The following GNE variants were observed in gnomAD, a reference collection of about 807,000 sequenced individuals.
GNE encodes the protein glucosamine (UDP-N-acetyl)-2-epimerase/N-acetylmannosamine kinase.
GNE carries 41 observed loss-of-function variants against 61.8 expected under a neutral mutation model. That is an observed-to-expected ratio of 0.66 (90% CI 0.52 to 0.86). The LOEUF (loss-of-function observed/expected upper bound fraction) is 0.86, where lower values mean the gene tolerates loss of function less well. GNE is among the 40% of genes least tolerant of loss of function. GNE has a pLI of 0.00. For synonymous variants in GNE, 264 were observed against 326.4 expected, an observed-to-expected ratio of 0.81 and a Z score of 2.06; for missense variants, 608 against 909.1, an observed-to-expected ratio of 0.67 and a Z score of 4.26.
chr9:36,232,036 C>G (rs1050535454), intron 5 of GNE, among the ~76,000 whole-genome samples: 2 of 152,146 alleles, frequency 1.3e-5, no homozygotes, highest in Admixed American at 6.5e-5. Flanking sequence ...AAGAACTGGA[C>G]TAGAACCAAG....
Position 36,218,112 on chromosome 9 carries a change from G to T in GNE, c.1933+71C>A. The T allele has an allele frequency of 9.9e-7, 1 of 1,006,958 alleles. No individual in the cohort carries two copies. The highest frequency in any genetic ancestry group is 1.3e-5 in the South Asian group (1 of 78,686). The allele number at this position is 1,006,958 out of a possible 1,614,324, so 62.4% of individuals were successfully genotyped here. ...TCCCTAGGGAAGCAGGGTCTCTTCTGGGGCCGGGCTGGGCCATATGATATC... is the reference window on the plus strand; with the variant it reads ...TCCCTAGGGAAGCAGGGTCTCTTCTTGGGCCGGGCTGGGCCATATGATATC... On this transcript the variant is annotated intron_variant, in intron 11 of 11. Transcript: ENST00000642385. This position sits in a 1 kb window ranked among gnomAD's most constrained non-coding sequence, Gnocchi z 4.1.
At chr9:36,240,024 A>C (rs1829569590) in intron 3 of GNE, among the ~76,000 whole-genome samples, 1 of 152,114 alleles carries the variant, frequency 6.6e-6, no homozygotes, top group South Asian at 2.1e-4. Flanking sequence ...TGTATCCAGA[A>C]ACTTTGCTGA....
rs1269845468 is a variant in GNE at position 36,246,040 on chromosome 9, T to C, written c.607A>G (p.Met203Val). ...KNKDYMSIIR[M>V]WLGDDVKSKD... ...AGTCTGAGATACGTACCTAGCCACATGCGAATGATGCTCATGTAGTCTTTG... is the reference window on the plus strand; with the variant it reads ...AGTCTGAGATACGTACCTAGCCACACGCGAATGATGCTCATGTAGTCTTTG... The change falls in exon 3 of 12, where the codon ATG (methionine) becomes GTG (valine). Residue 203 changes from methionine to valine, a missense_variant. By Grantham distance (21) the Met-to-Val change is conservative. Coordinates refer to ENST00000642385, the MANE Select transcript of GNE (RefSeq NM_005476.7). 1 of 1,613,676 alleles carries C rather than the reference T, an allele frequency of 6.2e-7. No homozygotes were observed. Among genetic ancestry groups the C allele is most frequent in the Admixed American group, 1.7e-5 (1 of 60,032 alleles).
rs1419793175 is a variant in GNE, at chr9:36,219,951, C to T, written c.1703G>A (p.Gly568Asp). 6.2e-7 allele frequency: 1 copy of T among 1,614,146 alleles called. No homozygotes were observed. The highest frequency in any genetic ancestry group is 8.5e-7 in the Non-Finnish European group (1 of 1,179,980). Residue 568 changes from glycine (G) to aspartate (D), a missense_variant, in exon 10 of 12, where the codon GGC becomes GAC. Physicochemically the swap from Gly to Asp is moderately conservative, Grantham distance 94. Transcript: ENST00000642385. ...HGSSFCAAEL[G>D]HLVVSLDGPD... ...CCCATCCAGAGACACAACAAGGTGG[C>T]CCAGTTCTGCAGCACAGAAGGAGCT... is the stretch of plus-strand genomic sequence containing the variant.
intron 1 of GNE, among the ~76,000 whole-genome samples, chr9:36,263,647 C>A (rs1830679233): frequency 6.6e-6 from 1 of 152,086 alleles, no homozygotes; most frequent in Non-Finnish European, 1.5e-5. Context: ...TTTAGTGAGG[C>A]TTTCAAAAAA....
intron 3 of GNE, among the ~76,000 whole-genome samples, chr9:36,239,536 G>C (rs1188883300): frequency 6.6e-6 from 1 of 151,310 alleles, no homozygotes; most frequent in Admixed American, 6.6e-5. Flanking sequence ...GCAATGGTGC[G>C]ATCTCGGCTC....
Position 36,219,940 on chromosome 9 carries a change from C to A in GNE, c.1714G>T (p.Val572Leu). ...FCAAELGHLV[V>L]SLDGPDCSCG... is the part of the protein sequence containing the mutation. The stretch of plus-strand genomic sequence containing the variant: ...GAACAATCAGGCCCATCCAGAGACA[C>A]AACAAGGTGGCCCAGTTCTGCAGCA... The change falls in exon 10 of 12, where the codon GTG (valine) becomes TTG (leucine). Residue 572 changes from valine to leucine, a missense_variant. Physicochemically the swap from Val to Leu is conservative, Grantham distance 32 (BLOSUM62 1). Coordinates refer to ENST00000642385, the MANE Select transcript of GNE (RefSeq NM_005476.7). 1 of 1,614,198 alleles carries A rather than the reference C, an allele frequency of 6.2e-7. No homozygotes were observed. The highest frequency in any genetic ancestry group is 8.5e-7 in the Non-Finnish European group (1 of 1,180,014).
chr9:36,233,960 A>G lies in GNE; in HGVS notation c.942T>C (p.Pro314=), dbSNP rs2133068079. 1 of 1,614,180 alleles carries G rather than the reference A, an allele frequency of 6.2e-7. No individual in the cohort carries two copies. The highest frequency in any genetic ancestry group is 8.5e-7 in the Non-Finnish European group (1 of 1,179,994). ...TCTGACGTGTTCCCAGGTTGATCAC[A>G]GGTGTTCCAAAAGCTCCAACTTCTC... The part of the protein sequence containing the change: ...GVREVGAFGT[P]VINLGTRQIG... Residue 314 remains proline (P), a synonymous_variant, in exon 5 of 12, where the codon CCT becomes CCC. Transcript: ENST00000642385.
upstream of GNE, among the ~76,000 whole-genome samples, chr9:36,259,061 C>A (rs546369753): frequency 6.6e-6 from 1 of 152,200 alleles, no homozygotes; most frequent in Admixed American, 6.5e-5. Flanking sequence ...GCTTGCGCAG[C>A]TCCTGAAGAT....
Position 36,269,320 on chromosome 9 carries a change from G to A in GNE, c.51+7574C>T, listed in dbSNP as rs556610567. ...TTAGCTCCTGCCCCTGCCCCTCTGC[G>A]TACTCATTCTTTCAGAAATTGGCTC... On this transcript the variant is annotated intron_variant, in intron 1 of 11. Coordinates refer to the GNE transcript ENST00000396594. Among the ~76,000 whole-genome samples, 323 of 151,014 alleles carry A rather than the reference G, an allele frequency of 2.1e-3. 1 individual carries two copies. The highest frequency in any genetic ancestry group is 7.5e-3 in the African/African-American group (308 of 41,064).
chr9:36,271,638 T>C (rs770403362), intron 1 of GNE, among the ~76,000 whole-genome samples: 1 of 152,212 alleles, frequency 6.6e-6, no homozygotes, highest in Non-Finnish European at 1.5e-5. Context: ...CCTCCCAAAG[T>C]GCTGGGATTA....
chr9:36,239,580 C>A (rs561925200), intron 3 of GNE, among the ~76,000 whole-genome samples: 1 of 152,080 alleles, frequency 6.6e-6, no homozygotes, highest in Non-Finnish European at 1.5e-5. Context: ...TCAAGCGATT[C>A]TCCTGCCTCG....
intron 1 of GNE, among the ~76,000 whole-genome samples, chr9:36,275,894 A>G (rs556496391): frequency 6.6e-6 from 1 of 152,322 alleles, no homozygotes; most frequent in Admixed American, 6.5e-5. Context: ...TTATAAGGCC[A>G]GGTACAGGGG....
rs1332613836 is a variant in GNE at position 36,222,767 on chromosome 9, C to A, written c.1633+10G>T. The A allele has an allele frequency of 6.3e-7, 1 of 1,577,236 alleles. No individual in the cohort carries two copies. Among genetic ancestry groups the A allele is most frequent in the Non-Finnish European group, 8.7e-7 (1 of 1,146,480 alleles). On this transcript the variant is annotated intron_variant, in intron 9 of 11. Coordinates refer to ENST00000642385, the MANE Select transcript of GNE (RefSeq NM_005476.7). ...TAGCTCCTGAACCAACCTCCCCCTA[C>A]CCCTCTTACCTGTGCCTGTGATAAG...
At chr9:36,223,608 C>G in intron 7 of GNE, 106 bp from the exon 8 acceptor site, 2 of 1,208,336 alleles carry the variant, frequency 1.7e-6, no homozygotes, top group Non-Finnish European at 2.4e-6. Flanking sequence ...ATAGGATGGC[C>G]CCGCAGTCTT....
intron 9 of GNE, among the ~76,000 whole-genome samples, chr9:36,222,462 G>C (rs1444605401): frequency 1.3e-5 from 2 of 151,342 alleles, no homozygotes; most frequent in Non-Finnish European, 2.9e-5. Context: ...GTATTAGTCT[G>C]TGCTGTCTAG....
chr9:36,272,760 G>A (rs1831082786), intron 1 of GNE, among the ~76,000 whole-genome samples: 1 of 150,962 alleles, frequency 6.6e-6, no homozygotes. Flanking sequence ...GAGAATGAGA[G>A]GATTGGAATC....
chr9:36,257,996 C>T (rs1364009907), intron 1 of GNE, among the ~76,000 whole-genome samples: 3 of 151,970 alleles, frequency 2.0e-5, no homozygotes, highest in Non-Finnish European at 4.4e-5. Context: ...CCCCGCCCCG[C>T]TCCTAACGGG....
rs201085587 is a variant in GNE at position 36,233,650 on chromosome 9, G to C, written c.982+270C>G. 4.2e-4 allele frequency among the ~76,000 whole-genome samples: 60 copies of C among 141,516 alleles called. 1 individual carries two copies. In the East Asian group the frequency reaches 6.8e-3, roughly 16 times the overall value. The allele number at this position is 141,516 out of a possible 152,430, so 92.8% of individuals were successfully genotyped here. On this transcript the variant is annotated intron_variant, in intron 5 of 11. Coordinates refer to ENST00000642385, the MANE Select transcript of GNE (RefSeq NM_005476.7). ...CTACTGCACCCCAGCCTGGGCGACA[G>C]AGCGAGACTCCATCTCAAAAAAAAA...
Sources: gnomAD v4.1 joint callset for allele counts (sites outside exome capture counted in the v4.1 genomes callset) on GRCh38, gnomAD v4.1.1 for gene constraint, Gnocchi (gnomAD v3.1) non-coding constraint, MANE v1.5 for transcripts, NCBI Gene and HGNC (gene_info 2026-07-23, HGNC 2026-07-21) for gene names.